MLXIPL: variants seen among roughly 807,000 people sequenced by gnomAD.
MLXIPL encodes the protein carbohydrate-responsive element-binding protein.
Under a neutral mutation model 81.5 loss-of-function variants are expected in MLXIPL, and 49 were observed. That is an observed-to-expected ratio of 0.60 (90% confidence interval 0.48 to 0.76). The LOEUF (loss-of-function observed/expected upper bound fraction) is 0.76, where lower values mean the gene tolerates loss of function less well. Among genes scored for constraint, MLXIPL ranks in the 30% least tolerant of loss-of-function variants. The pLI is 0.00. For missense variants in MLXIPL, 1,053 were observed against 1,167.0 expected (o/e 0.90, Z 1.42); for synonymous variants, 466 against 485.5 (o/e 0.96, Z 0.53).
intron 7 of MLXIPL, among the ~76,000 whole-genome samples, chr7:73,603,673 C>T (rs139298597): frequency 3.9e-5 from 6 of 152,312 alleles, no homozygotes; most frequent in Middle Eastern, 3.4e-3. Context: ...TTCGATGAGA[C>T]GGGCTGAGCC....
At chr7:73,641,793 G>A in the MLXIPL span, among the ~76,000 whole-genome samples, 2 of 152,016 alleles carry the variant, frequency 1.3e-5, no homozygotes, top group East Asian at 1.9e-4. Flanking sequence ...ATGCCATGAC[G>A]CCTGGCTAAT....
the MLXIPL span, among the ~76,000 whole-genome samples, chr7:73,641,052 C>T: frequency 1.1e-4 from 17 of 151,028 alleles, no homozygotes; most frequent in East Asian, 1.2e-3. Flanking sequence ...CTGTAATCCT[C>T]GCACTTTGGG....
chr7:73,636,314 G>A, the MLXIPL span, among the ~76,000 whole-genome samples: 2 of 151,812 alleles, frequency 1.3e-5, no homozygotes, highest in African/African-American at 2.4e-5. Context: ...GGAGGCTGAG[G>A]CACAAGAATT....
At chr7:73,605,659 C>T (rs1424983885) in intron 7 of MLXIPL, 29 bp downstream of exon 7, 11 of 1,611,564 alleles carry the variant, frequency 6.8e-6, no homozygotes, top group Non-Finnish European at 9.3e-6. Context: ...CCTGCCCGTC[C>T]ACCCGACCTG....
chr7:73,634,075 G>A, the MLXIPL span, among the ~76,000 whole-genome samples: 7 of 152,128 alleles, frequency 4.6e-5, no homozygotes, highest in African/African-American at 7.2e-5. Context: ...TTTAACTGGC[G>A]GCAAGTTGGG....
At chr7:73,635,362 C>T in the MLXIPL span, among the ~76,000 whole-genome samples, 1 of 152,016 alleles carries the variant, frequency 6.6e-6, no homozygotes, top group South Asian at 2.1e-4. Flanking sequence ...TCTAGTCATC[C>T]GTCCAGCCAT....
At chr7:73,606,406 TG>T in intron 5 of MLXIPL, 6 of 498,166 alleles carry the variant, frequency 1.2e-5, no homozygotes, top group Non-Finnish European at 7.1e-6. Context: ...TTTTTTTTTT[TG>T]TTTGTTTTCT....
chr7:73,645,880 A>T, the MLXIPL span, among the ~76,000 whole-genome samples: 26 of 152,248 alleles, frequency 1.7e-4, no homozygotes, highest in South Asian at 3.9e-3. Flanking sequence ...CTCATCTGTA[A>T]AATGGAGATC....
chr7:73,607,198 G>A (rs2116360786), intron 4 of MLXIPL, 133 bp downstream of exon 4: 1 of 1,246,530 alleles, frequency 8.0e-7, no homozygotes, highest in Non-Finnish European at 1.1e-6. Context: ...CTGTCGGCCC[G>A]GGACTGAATG....
At chr7:73,638,874 C>T in the MLXIPL span, among the ~76,000 whole-genome samples, 3 of 152,002 alleles carry the variant, frequency 2.0e-5, no homozygotes, top group Admixed American at 6.6e-5. Flanking sequence ...CCACCCACCT[C>T]GGCCTTCTGG....
In MLXIPL at chr7:73,606,964, G is replaced by T. The variant is rs1321683148; in HGVS notation, c.618+10C>A. The T allele has an allele frequency of 1.4e-5, 23 of 1,613,412 alleles. No homozygotes were observed. The Admixed American group carries it at 3.8e-4, about 27-fold the overall frequency. On this transcript the variant is annotated intron_variant, in intron 5 of 16. Coordinates refer to ENST00000313375, the MANE Select transcript of MLXIPL (RefSeq NM_032951.3). ...GATGCCCTTGCCTGCTGGACTTACA[G>T]AGCACCCACCTGCTTAGGGGCCAGG...
intron 8 of MLXIPL, among the ~76,000 whole-genome samples, chr7:73,598,167 A>C (rs1554594992): frequency 6.6e-6 from 1 of 151,548 alleles, no homozygotes; most frequent in Non-Finnish European, 1.5e-5. Flanking sequence ...TAACCAACCC[A>C]CCCATCCATT....
At chr7:73,594,515 T>C in intron 15 of MLXIPL, 112 bp from the exon 16 acceptor site, 1 of 1,371,308 alleles carries the variant, frequency 7.3e-7, no homozygotes, top group East Asian at 2.3e-5. Context: ...CTGTCTAACG[T>C]TGAACCCCAA....
At chr7:73,629,466 G>C (rs1218280416), upstream of MLXIPL, among the ~76,000 whole-genome samples, 2 of 152,178 alleles carry the variant, frequency 1.3e-5, no homozygotes, top group African/African-American at 4.8e-5. Context: ...TGGGCGTGGT[G>C]GCTCATGCCA....
the MLXIPL span, among the ~76,000 whole-genome samples, chr7:73,643,359 A>T: frequency 2.8e-4 from 42 of 152,206 alleles, no homozygotes; most frequent in African/African-American, 9.9e-4. Flanking sequence ...CTAAAAATAT[A>T]AAAAATTGGC....
intron 2 of MLXIPL, among the ~76,000 whole-genome samples, chr7:73,614,243 C>T (rs1330915589): frequency 6.6e-6 from 1 of 150,574 alleles, no homozygotes; most frequent in Non-Finnish European, 1.5e-5. Context: ...ACCAAACAAA[C>T]CCCCCCCACC....
In MLXIPL at chr7:73,614,808, C is replaced by CGTT. The variant is rs1563505241; in HGVS notation, c.400+1262_400+1263insAAC. 1.6e-3 allele frequency among the ~76,000 whole-genome samples: 211 copies of CGTT among 130,830 alleles called. 8 individuals carry two copies. Among genetic ancestry groups the CGTT allele is most frequent in the African/African-American group, 6.0e-3 (205 of 34,410 alleles). The allele number at this position is 130,830 out of a possible 152,430, so 85.8% of individuals were successfully genotyped here. The stretch of plus-strand genomic sequence containing the variant: ...CTATTGGCCTCGTTTTTTGTTTTGC[C>CGTT]CTTTTTTTTTTTTTTTTTTTGAGAC... On this transcript the variant is annotated intron_variant, in intron 2 of 16. Coordinates refer to ENST00000313375, the MANE Select transcript of MLXIPL (RefSeq NM_032951.3).
intron 7 of MLXIPL, 75 bp from the exon 8 acceptor site, chr7:73,599,770 C>T (rs1176316567): frequency 2.8e-6 from 4 of 1,453,676 alleles, no homozygotes; most frequent in Non-Finnish European, 2.8e-6. Flanking sequence ...AGGAGAGTGG[C>T]CTGTCCCCAG....
intron 1 of MLXIPL, among the ~76,000 whole-genome samples, chr7:73,618,664 G>A (rs557393912): frequency 2.6e-5 from 4 of 151,796 alleles, no homozygotes; most frequent in Non-Finnish European, 4.4e-5. Flanking sequence ...GCCACTGGCT[G>A]GGCCCCTCCC....
Sources: allele counts gnomAD v4.1 joint callset (sites outside exome capture counted in the v4.1 genomes callset), GRCh38; gene constraint gnomAD v4.1.1; transcripts MANE v1.5; gene names NCBI Gene and HGNC (gene_info 2026-07-23, HGNC 2026-07-21).